GNL3L: variants seen among roughly 807,000 people sequenced by gnomAD.
The protein encoded by GNL3L is guanine nucleotide-binding protein-like 3-like protein.
In GNL3L, 4 loss-of-function variants were observed where a neutral mutation model predicts 42.9. That is an observed-to-expected ratio of 0.09 (90% confidence interval 0.05 to 0.21). The LOEUF (loss-of-function observed/expected upper bound fraction) is 0.21. GNL3L is among the 10% of genes least tolerant of loss of function. The probability of loss-of-function intolerance (pLI) is 1.00; values close to 1 mark genes in which losing one functional copy is unlikely to be tolerated. For synonymous variants in GNL3L, 159 were observed against 176.3 expected (o/e 0.90, Z 0.78); for missense variants, 412 against 481.7 (o/e 0.86, Z 1.36).
At chrX:54,547,561 C>A (rs58172159) in intron 8 of GNL3L, among the ~76,000 whole-genome samples, 1 of 110,326 alleles carries the variant, frequency 9.1e-6, no homozygotes, top group Admixed American at 9.6e-5. Flanking sequence ...AAAAGTTAGC[C>A]GGGTGTGGTG....
intron 16 of GNL3L, among the ~76,000 whole-genome samples, chrX:54,613,627 T>C (rs1926189024): frequency 9.0e-6 from 1 of 111,204 alleles, no homozygotes; most frequent in Non-Finnish European, 1.9e-5. Flanking sequence ...CTCCCCCTTT[T>C]CCTATGGATG....
downstream of GNL3L, among the ~76,000 whole-genome samples, chrX:54,572,213 G>T (rs1419289718): frequency 4.2e-4 from 45 of 107,642 alleles, no homozygotes; most frequent in Non-Finnish European, 9.7e-5. Context: ...GACTCTTAAC[G>T]AGCATGCTGC....
chrX:54,603,241 A>G (rs5961097), intron 16 of GNL3L, among the ~76,000 whole-genome samples: 12,180 of 110,821 alleles, frequency 0.11, 986 homozygotes, highest in African/African-American at 0.28. Context: ...ATGGGAAATA[A>G]TTAGTTCACA....
At chrX:54,552,550 T>C in intron 13 of GNL3L, 122 bp downstream of exon 13, 1 of 603,034 alleles carries the variant, frequency 1.7e-6, no homozygotes, top group South Asian at 3.3e-5. Context: ...GCAAGTTGCT[T>C]AAGCAGCTTC....
the GNL3L span, among the ~76,000 whole-genome samples, chrX:54,645,745 T>C: frequency 8.9e-6 from 1 of 112,143 alleles, no homozygotes; most frequent in Admixed American, 9.5e-5. Context: ...AGGACTCCAC[T>C]GAATGCCAGC....
intron 16 of GNL3L, among the ~76,000 whole-genome samples, chrX:54,602,951 C>T (rs1926020506): frequency 8.9e-6 from 1 of 111,991 alleles, no homozygotes; most frequent in African/African-American, 3.3e-5. Context: ...GCAGAGGACT[C>T]AGATAAACTG....
intron 2 of GNL3L, among the ~76,000 whole-genome samples, chrX:54,534,453 C>G (rs1313619826): frequency 9.0e-6 from 1 of 110,880 alleles, no homozygotes; most frequent in African/African-American, 3.3e-5. Flanking sequence ...AAATTTGATG[C>G]TACGGCAGAG....
intron 16 of GNL3L, among the ~76,000 whole-genome samples, chrX:54,583,366 G>A (rs1925741923): frequency 9.2e-6 from 1 of 109,060 alleles, no homozygotes; most frequent in African/African-American, 3.3e-5. Context: ...CTAATTTTTG[G>A]TATTTTTAGT....
At chrX:54,597,903 C>T (rs1195852373) in intron 16 of GNL3L, among the ~76,000 whole-genome samples, 2 of 111,234 alleles carry the variant, frequency 1.8e-5, no homozygotes, top group South Asian at 3.8e-4. Flanking sequence ...TTCTACACCC[C>T]GCTGCCACTG....
At chrX:54,572,535 G>C (rs1323664853) in intron 16 of GNL3L, among the ~76,000 whole-genome samples, 2 of 112,125 alleles carry the variant, frequency 1.8e-5, no homozygotes, top group Admixed American at 9.4e-5. Context: ...CCTCCCAGAC[G>C]GGGTGGTGGC....
chrX:54,580,524 A>G (rs7060132), intron 16 of GNL3L, among the ~76,000 whole-genome samples: 14,274 of 109,963 alleles, frequency 0.13, 1,419 homozygotes, highest in African/African-American at 0.34. Context: ...CAGTAATGGG[A>G]TGGCTGGGTC....
At chrX:54,630,591 A>G in the GNL3L span, among the ~76,000 whole-genome samples, 1 of 108,892 alleles carries the variant, frequency 9.2e-6, no homozygotes, top group African/African-American at 3.4e-5. Flanking sequence ...TTGATTTCCA[A>G]TTTTGTTCCA....
In GNL3L at chrX:54,564,028, C is replaced by A. The variant is rs1158593386; in HGVS notation, c.*3426C>A. On this transcript the variant is annotated 3_prime_UTR_variant, in exon 16 of 16. Transcript: ENST00000360845. ...ATCGAAATATAGTTGCATCACCCCC[C>A]TAAAACTCTCCAGGCCCTTTTGTAG... 5.5e-5 allele frequency among the ~76,000 whole-genome samples: 6 copies of A among 109,590 alleles called. No individual in the cohort carries two copies. The highest frequency in any genetic ancestry group is 1.1e-4 in the Non-Finnish European group (6 of 52,675).
rs141019281 is a variant in GNL3L at position 54,621,465 on chromosome X, C to G, written c.*666C>G. 4.7e-3 allele frequency among the ~76,000 whole-genome samples: 532 copies of G among 112,139 alleles called. 4 individuals are homozygous for G. The highest frequency in any genetic ancestry group is 1.0e-2 in the South Asian group (27 of 2,702). On this transcript the variant is annotated 3_prime_UTR_variant, in exon 17 of 17. Transcript: ENST00000674498. ...AGCCCAAGCTGACATCTAACTACAACTGCAAGAAAGACCCAAAGAGAACAT... is the reference window on the plus strand; with the variant it reads ...AGCCCAAGCTGACATCTAACTACAAGTGCAAGAAAGACCCAAAGAGAACAT...
intron 16 of GNL3L, among the ~76,000 whole-genome samples, chrX:54,607,006 T>TTC (rs572008498): frequency 0.19 from 6,813 of 36,464 alleles, 854 homozygotes; most frequent in African/African-American, 0.51. Context: ...CTTTCTTTCT[T>TTC]TCTTTCTTTC....
At position 54,540,126 on chromosome X, in the gene GNL3L, G is replaced by C. The variant is rs1190710625; in HGVS notation, c.82-9G>C. On this transcript the variant is annotated splice_polypyrimidine_tract_variant and intron_variant, in intron 3 of 15. Transcript: ENST00000360845. ...TACCTCTGTTTTTTTTCTCTTATGT[G>C]GTGGCCAGCCTGCAAAGCAAAATGG... 1 of 1,157,345 alleles carries C rather than the reference G, an allele frequency of 8.6e-7. No homozygotes were observed. The highest frequency in any genetic ancestry group is 1.2e-6 in the Non-Finnish European group (1 of 847,062).
At chrX:54,586,982 C>T (rs753621110) in intron 16 of GNL3L, among the ~76,000 whole-genome samples, 13 of 112,029 alleles carry the variant, frequency 1.2e-4, no homozygotes, top group Non-Finnish European at 2.4e-4. Context: ...CAGCCAGTTC[C>T]AACACCAGTG....
chrX:54,630,120 A>G, the GNL3L span, among the ~76,000 whole-genome samples: 10 of 106,069 alleles, frequency 9.4e-5, no homozygotes, highest in African/African-American at 2.8e-4. Flanking sequence ...TTCATTTCCA[A>G]TTGAGCTTAT....
intron 13 of GNL3L, among the ~76,000 whole-genome samples, chrX:54,554,044 A>C (rs755204807): frequency 9.0e-6 from 1 of 111,236 alleles, no homozygotes; most frequent in Non-Finnish European, 1.9e-5. Flanking sequence ...ACTTGGCCCT[A>C]GTGCTGGATC....
Sources: allele counts gnomAD v4.1 joint callset (sites outside exome capture counted in the v4.1 genomes callset), GRCh38; gene constraint gnomAD v4.1.1; transcripts MANE v1.5; gene names NCBI Gene and HGNC (gene_info 2026-07-23, HGNC 2026-07-21).